Variants in GGNBP2 observed in about 807,000 individuals in gnomAD.
GGNBP2 encodes gametogenetin binding protein 2.
In GGNBP2, 10 loss-of-function variants were observed where a neutral mutation model predicts 85.9. The ratio of observed to expected loss-of-function variants is 0.12; its 90% CI spans 0.07 to 0.20. The LOEUF is 0.20. Among genes scored for constraint, GGNBP2 ranks in the 10% least tolerant of loss-of-function variants. The pLI is 1.00. For synonymous variants in GGNBP2, 287 were observed against 285.7 expected, an observed-to-expected ratio of 1.00 and a Z score of -0.05; for missense variants, 595 against 857.8, an observed-to-expected ratio of 0.69 and a Z score of 3.83.
chr17:36,569,467 C>T (rs1449348171), intron 6 of GGNBP2, among the ~76,000 whole-genome samples: 1 of 152,120 alleles, frequency 6.6e-6, no homozygotes, highest in African/African-American at 2.4e-5. Context: ...GGCAGTTCTA[C>T]TGTTTAAATT....
intron 12 of GGNBP2, 80 bp from the exon 13 acceptor site, chr17:36,586,917 C>CTTTTTT: frequency 9.4e-7 from 1 of 1,069,442 alleles, no homozygotes; most frequent in Non-Finnish European, 1.3e-6. Flanking sequence ...CCGTGCCCCG[C>CTTTTTT]TTTTTTTTTT....
intron 5 of GGNBP2, 38 bp from the exon 6 acceptor site, chr17:36,567,625 G>A (rs746728438): frequency 1.8e-6 from 2 of 1,086,138 alleles, no homozygotes; most frequent in East Asian, 2.4e-5. Context: ...TTACCCTTCT[G>A]TATTCTCCCT....
intron 13 of GGNBP2, 96 bp from the exon 14 acceptor site, chr17:36,589,111 TA>T: frequency 2.4e-6 from 2 of 818,894 alleles, no homozygotes; most frequent in South Asian, 1.6e-5. Context: ...GATGTGAAAC[TA>T]AAAAGTTAGA....
intron 9 of GGNBP2, among the ~76,000 whole-genome samples, chr17:36,583,913 C>G (rs79728513): frequency 6.6e-6 from 1 of 152,132 alleles, no homozygotes; most frequent in Non-Finnish European, 1.5e-5. Flanking sequence ...AATTAGAATC[C>G]GTTGGACTAT....
At chr17:36,558,591 G>A (rs1275111870) in intron 4 of GGNBP2, among the ~76,000 whole-genome samples, 1 of 151,392 alleles carries the variant, frequency 6.6e-6, no homozygotes, top group Non-Finnish European at 1.5e-5. Flanking sequence ...AAGTAGCTGG[G>A]ATTACAGGTG....
rs753319785 is a variant in GGNBP2, at chr17:36,579,247, G to A, written c.848G>A (p.Arg283Gln). The A allele has an allele frequency of 1.4e-5, 22 of 1,613,048 alleles. No individual in the cohort carries two copies. The highest frequency in any genetic ancestry group is 2.7e-5 in the African/African-American group (2 of 74,898). ...TGTGTGATTATTCCCTTTTATAGGC[G>A]AAGAGAAAGGCATGCAAAGACAATA... ...GRAEPEFAGG[R>Q]RERHAKTIDI... The change falls in exon 8 of 14, where the codon CGA (arginine) becomes CAA (glutamine). Residue 283 changes from arginine (R) to glutamine (Q), a missense_variant and splice_region_variant. Around this residue, in one of 9 missense-constraint regions of GGNBP2, gnomAD observed 92 missense variants for 183.9 expected, o/e 0.50. Coordinates refer to ENST00000613102, the MANE Select transcript of GGNBP2 (RefSeq NM_024835.5).
intron 6 of GGNBP2, among the ~76,000 whole-genome samples, chr17:36,569,098 G>A (rs1265755993): frequency 6.6e-6 from 1 of 151,930 alleles, no homozygotes; most frequent in Non-Finnish European, 1.5e-5. Flanking sequence ...AAATTCATAG[G>A]GAGGAGACTC....
chr17:36,580,651 G>A (rs1195246115), intron 8 of GGNBP2, among the ~76,000 whole-genome samples: 2 of 151,918 alleles, frequency 1.3e-5, no homozygotes, highest in African/African-American at 4.8e-5. Context: ...CAGATATGGT[G>A]TCTCATGCCT....
chr17:36,555,765 A>T (rs1403630589), intron 3 of GGNBP2, among the ~76,000 whole-genome samples: 1 of 152,200 alleles, frequency 6.6e-6, no homozygotes, highest in East Asian at 1.9e-4. Context: ...GCATATTTAG[A>T]TTACTTATAG....
chr17:36,577,712 C>T (rs1410746806), intron 6 of GGNBP2: 1 of 471,182 alleles, frequency 2.1e-6, no homozygotes, highest in Non-Finnish European at 3.9e-6. Context: ...TCTGGGCATG[C>T]ATTTTATGAA....
At chr17:36,572,549 C>A (rs967616008) in intron 6 of GGNBP2, among the ~76,000 whole-genome samples, 1 of 151,984 alleles carries the variant, frequency 6.6e-6, no homozygotes, top group Non-Finnish European at 1.5e-5. Context: ...ATTAGCCATG[C>A]GTGGTGGCAC....
At chr17:36,583,067 T>C (rs2074666694) in intron 9 of GGNBP2, among the ~76,000 whole-genome samples, 1 of 152,198 alleles carries the variant, frequency 6.6e-6, no homozygotes, top group South Asian at 2.1e-4. Flanking sequence ...GATTCCTTTT[T>C]TTTTTGAGAC....
chr17:36,588,277 A>T (rs939950864), intron 13 of GGNBP2, among the ~76,000 whole-genome samples: 1 of 151,812 alleles, frequency 6.6e-6, no homozygotes, highest in Non-Finnish European at 1.5e-5. Flanking sequence ...CTTTTTTTTG[A>T]GGTGGAGTTT....
intron 6 of GGNBP2, among the ~76,000 whole-genome samples, chr17:36,570,067 C>A (rs1026798728): frequency 2.2e-4 from 34 of 152,132 alleles, no homozygotes; most frequent in African/African-American, 7.0e-4. Context: ...TTCTGTGCCT[C>A]AATTTTTGTC....
chr17:36,565,964 TG>T (rs2074464319), intron 5 of GGNBP2, among the ~76,000 whole-genome samples: 1 of 152,166 alleles, frequency 6.6e-6, no homozygotes, highest in Non-Finnish European at 1.5e-5. Flanking sequence ...ATGTTTTTGT[TG>T]TCACAAATAA....
At chr17:36,579,061 A>C in intron 7 of GGNBP2, 184 bp from the exon 8 acceptor site, 1 of 559,946 alleles carries the variant, frequency 1.8e-6, no homozygotes. Context: ...TTCTACTTGC[A>C]TGTGTATTTC....
rs1025047466 is a variant in GGNBP2 at position 36,587,439 on chromosome 17, T to C, written c.1890+194T>C. ...GTTTATGCAACTACTCTGGAACACG[T>C]TTCCATGGCCGCCTCTGTCTCAGTA... On this transcript the variant is annotated intron_variant, in intron 13 of 13. Coordinates refer to ENST00000613102, the MANE Select transcript of GGNBP2 (RefSeq NM_024835.5). 6.4e-6 allele frequency: 4 copies of C among 627,682 alleles called. No individual in the cohort carries two copies. In the African/African-American group the frequency reaches 7.3e-5, roughly 11 times the overall value. The allele number at this position is 627,682 out of a possible 1,614,324, so 38.9% of individuals were successfully genotyped here.
chr17:36,570,525 C>A (rs982903071), intron 6 of GGNBP2, among the ~76,000 whole-genome samples: 1 of 152,076 alleles, frequency 6.6e-6, no homozygotes, highest in African/African-American at 2.4e-5. Flanking sequence ...CATGGGGAAA[C>A]CCCATCTCTA....
chr17:36,578,995 C>T, intron 7 of GGNBP2: 2 of 430,142 alleles, frequency 4.6e-6, no homozygotes, highest in Middle Eastern at 6.5e-4. Context: ...CCCTAAAACC[C>T]ATCTTTTTAG....
Sources: gnomAD v4.1 joint callset for allele counts (sites outside exome capture counted in the v4.1 genomes callset) on GRCh38, gnomAD v4.1.1 for gene constraint, gnomAD v4.1.1 regional missense constraint, MANE v1.5 for transcripts, NCBI Gene and HGNC (gene_info 2026-07-23, HGNC 2026-07-21) for gene names.